Variants in BIRC6 observed in about 807,000 individuals in gnomAD.
BIRC6 encodes baculoviral IAP repeat containing 6.
Under a neutral mutation model 503.3 loss-of-function variants are expected in BIRC6, and 98 were observed. That is an observed-to-expected ratio of 0.19 (90% confidence interval 0.17 to 0.23). The LOEUF is 0.23. BIRC6 is among the 10% of genes least tolerant of loss of function. BIRC6 has a pLI of 1.00. For missense variants in BIRC6, 5,360 were observed against 5,806.0 expected (o/e 0.92, Z 2.50); for synonymous variants, 2,240 against 2,078.7 (o/e 1.08, Z -2.11).
chr2:32,516,225 G>A (rs1283272562), intron 55 of BIRC6, among the ~76,000 whole-genome samples: 1 of 152,082 alleles, frequency 6.6e-6, no homozygotes, highest in Non-Finnish European at 1.5e-5. Flanking sequence ...ACAAAATGTG[G>A]AAGATAGGCT....
chr2:32,392,944 A>AT (rs2039435539), intron 5 of BIRC6, among the ~76,000 whole-genome samples: 6 of 151,952 alleles, frequency 3.9e-5, no homozygotes, highest in African/African-American at 1.4e-4. Flanking sequence ...CTAGGCCATA[A>AT]TTTTTTTTAT....
rs192991870 is a variant in BIRC6, at chr2:32,498,678, C to G, written c.8469-869C>G. 9.8e-4 allele frequency among the ~76,000 whole-genome samples: 149 copies of G among 152,208 alleles called. 1 individual carries two copies. Among genetic ancestry groups the G allele is most frequent in the Non-Finnish European group, 1.7e-3 (114 of 67,998 alleles). On this transcript the variant is annotated intron_variant, in intron 45 of 73. Coordinates refer to ENST00000421745, the MANE Select transcript of BIRC6 (RefSeq NM_016252.4). ...TCTCAACTCACTGCAACCTCCTCCT[C>G]CTGGGTTCATGCAATTCTCATGCTT...
At chr2:32,375,775 T>C (rs1390007731) in intron 1 of BIRC6, among the ~76,000 whole-genome samples, 1 of 151,932 alleles carries the variant, frequency 6.6e-6, no homozygotes, top group Non-Finnish European at 1.5e-5. Context: ...CAGCTTTTTA[T>C]TGTAATCATA....
chr2:32,576,879 G>T (rs1176886589), intron 66 of BIRC6, among the ~76,000 whole-genome samples: 2 of 152,160 alleles, frequency 1.3e-5, no homozygotes, highest in African/African-American at 2.4e-5. Flanking sequence ...TGAAGAGCCA[G>T]TTGGTAGAGA....
intron 72 of BIRC6, among the ~76,000 whole-genome samples, chr2:32,608,331 T>C (rs1172837218): frequency 6.6e-6 from 1 of 151,910 alleles, no homozygotes; most frequent in Non-Finnish European, 1.5e-5. Context: ...TATAAAACTA[T>C]CTATATTCTA....
In BIRC6 at chr2:32,473,168, T is replaced by C. The variant is rs773533797; in HGVS notation, c.6649T>C (p.Ser2217Pro). ...ACACACTCAGAGCTTAAATAGATCT[T>C]CTAAAGGCAGCAGTAGCCTTGATAG... ...NLHTQSLNRS[S>P]KGSSSLDRLY... The change falls in exon 33 of 74, where the codon TCT (serine) becomes CCT (proline). Residue 2217 changes from serine to proline, a missense_variant. Physicochemically the swap from Ser to Pro is moderately conservative, Grantham distance 74 (BLOSUM62 -1). This residue lies in a region of BIRC6 where 2,299 missense variants were observed against 2,267.2 expected (regional missense o/e 1.01). Transcript: ENST00000421745. The C allele has an allele frequency of 1.3e-6, 2 of 1,576,616 alleles. No homozygotes were observed. The highest frequency in any genetic ancestry group is 1.7e-6 in the Non-Finnish European group (2 of 1,158,068).
intron 66 of BIRC6, among the ~76,000 whole-genome samples, chr2:32,580,054 A>G (rs1362101785): frequency 2.6e-5 from 4 of 151,608 alleles, no homozygotes; most frequent in South Asian, 4.2e-4. Flanking sequence ...CCTGGTTTCA[A>G]GCAATTCTCT....
At chr2:32,490,442 C>T (rs139153276) in intron 43 of BIRC6, among the ~76,000 whole-genome samples, 2 of 152,140 alleles carry the variant, frequency 1.3e-5, no homozygotes, top group East Asian at 1.9e-4. Flanking sequence ...GGGTGACGCA[C>T]GAAAATCACT....
intron 50 of BIRC6, among the ~76,000 whole-genome samples, chr2:32,507,580 A>G (rs775899301): frequency 3.8e-4 from 58 of 152,362 alleles, no homozygotes; most frequent in Non-Finnish European, 6.2e-4. Context: ...ATTATTTAAA[A>G]TAGTAAACCA....
chr2:32,456,453 TG>T (rs2047275940), intron 23 of BIRC6, among the ~76,000 whole-genome samples: 1 of 152,240 alleles, frequency 6.6e-6, no homozygotes, highest in Non-Finnish European at 1.5e-5. Flanking sequence ...TGTTTCATTG[TG>T]GAGCTAATAG....
At position 32,499,638 on chromosome 2, in the gene BIRC6, A is replaced by G. The variant is rs1421407870; in HGVS notation, c.8560A>G (p.Ser2854Gly). The change falls in exon 46 of 74, where the codon AGT (serine) becomes GGT (glycine). Residue 2854 changes from serine to glycine, a missense_variant. Ser to Gly is a moderately conservative substitution (Grantham distance 56). Transcript: ENST00000421745. ...GCAGAATTTTGAAGTCGTTTCAGTT[A>G]GTACTATTTCTGCCGTGATAGAATC... Reference protein sequence around the residue: ...LEQNFEVVSVSTISAVIESVT... With the variant: ...LEQNFEVVSVGTISAVIESVT... The G allele has an allele frequency of 1.2e-6, 2 of 1,613,808 alleles. No individual in the cohort carries two copies. Among genetic ancestry groups the G allele is most frequent in the Non-Finnish European group, 1.7e-6 (2 of 1,179,854 alleles).
chr2:32,451,092 A>G (rs976701346), intron 22 of BIRC6, among the ~76,000 whole-genome samples: 1 of 152,186 alleles, frequency 6.6e-6, no homozygotes, highest in African/African-American at 2.4e-5. Flanking sequence ...TAGCTTTCAC[A>G]CTGGTCTGCC....
intron 34 of BIRC6, among the ~76,000 whole-genome samples, chr2:32,476,718 A>G (rs976082728): frequency 1.3e-5 from 2 of 152,166 alleles, no homozygotes; most frequent in Admixed American, 1.3e-4. Flanking sequence ...GTAAAGTGAA[A>G]AATGTGGCAT....
intron 33 of BIRC6, among the ~76,000 whole-genome samples, chr2:32,473,559 T>G (rs942162837): frequency 5.3e-5 from 8 of 152,108 alleles, no homozygotes; most frequent in Non-Finnish European, 8.8e-5. Context: ...TCCATTTTCC[T>G]TCATGTAATT....
Position 32,618,006 on chromosome 2 carries a change from C to A in BIRC6, c.*102C>A. ...ACTAATTATGTAATAGGTAATGAAA[C>A]TGAAACTATACTATGCCCTTAAGGA... is the stretch of plus-strand genomic sequence containing the variant. On this transcript the variant is annotated 3_prime_UTR_variant, in exon 74 of 74. Transcript: ENST00000421745. 8.7e-7 allele frequency: 1 copy of A among 1,150,892 alleles called. No individual in the cohort carries two copies. Among genetic ancestry groups the A allele is most frequent in the Non-Finnish European group, 1.2e-6 (1 of 822,806 alleles). The allele number at this position is 1,150,892 out of a possible 1,614,324, so 71.3% of individuals were successfully genotyped here.
At chr2:32,594,127 C>T (rs2061540196) in intron 67 of BIRC6, 67 bp downstream of exon 67, 3 of 1,499,092 alleles carry the variant, frequency 2.0e-6, no homozygotes, top group Non-Finnish European at 2.7e-6. Flanking sequence ...CTTACTGAAA[C>T]CTGCCTTTGT....
chr2:32,436,853 G>A (rs930429607), intron 15 of BIRC6, among the ~76,000 whole-genome samples: 1 of 149,112 alleles, frequency 6.7e-6, no homozygotes, highest in Non-Finnish European at 1.5e-5. Context: ...CGTCAGCACC[G>A]CACCTGGCCA....
At chr2:32,464,444 G>A in intron 24 of BIRC6, 65 bp from the exon 25 acceptor site, 2 of 1,455,142 alleles carry the variant, frequency 1.4e-6, no homozygotes, top group Non-Finnish European at 9.1e-7. Context: ...ATGTCCATGT[G>A]GTATTCTGCC....
chr2:32,380,030 T>A (rs1312302390), intron 2 of BIRC6, 123 bp from the exon 3 acceptor site: 3 of 609,448 alleles, frequency 4.9e-6, no homozygotes, highest in Non-Finnish European at 7.9e-6. Context: ...AAAAGGTAAG[T>A]TTAGTATAGT....
Sources: gnomAD v4.1 joint callset for allele counts (sites outside exome capture counted in the v4.1 genomes callset) on GRCh38, gnomAD v4.1.1 for gene constraint, gnomAD v4.1.1 regional missense constraint, MANE v1.5 for transcripts, NCBI Gene and HGNC (gene_info 2026-07-23, HGNC 2026-07-21) for gene names.